Variants in ATF7 observed in about 807,000 individuals in gnomAD.
ATF7 encodes activating transcription factor 7, also known as cyclic AMP-dependent transcription factor ATF-7.
In ATF7, 10 loss-of-function variants were observed where a neutral mutation model predicts 50.4. That is an observed-to-expected ratio of 0.20 (90% confidence interval 0.12 to 0.34). The LOEUF (loss-of-function observed/expected upper bound fraction) is 0.34. Ranked by LOEUF, ATF7 falls within the 10% of genes least tolerant of loss-of-function variation. ATF7 has a pLI of 1.00. For synonymous variants in ATF7, 201 were observed against 226.4 expected, an observed-to-expected ratio of 0.89 and a Z score of 1.01; for missense variants, 465 against 613.9, an observed-to-expected ratio of 0.76 and a Z score of 2.56.
chr12:53,565,237 A>G (rs765478374), intron 2 of ATF7, among the ~76,000 whole-genome samples: 20 of 152,030 alleles, frequency 1.3e-4, no homozygotes, highest in Non-Finnish European at 2.2e-4. Context: ...TCCATCAGGG[A>G]TTGGGCAATG....
intron 2 of ATF7, among the ~76,000 whole-genome samples, chr12:53,599,550 C>G (rs908379037): frequency 6.6e-5 from 10 of 151,694 alleles, no homozygotes; most frequent in African/African-American, 2.4e-4. Context: ...AGGAAATACA[C>G]CCTAGGATGG....
At chr12:53,605,185 T>C (rs1011617447) in intron 1 of ATF7, among the ~76,000 whole-genome samples, 2 of 151,828 alleles carry the variant, frequency 1.3e-5, no homozygotes, top group African/African-American at 4.8e-5. Context: ...GGTCAGGAGT[T>C]TGAGACCAGC....
At chr12:53,615,614 C>T (rs1944088793) in intron 1 of ATF7, among the ~76,000 whole-genome samples, 1 of 152,090 alleles carries the variant, frequency 6.6e-6, no homozygotes, top group Non-Finnish European at 1.5e-5. Context: ...TGGCTCACAC[C>T]AGTAATCCCA....
Position 53,524,884 on chromosome 12 carries a change from C to G in ATF7, c.928-123G>C. The G allele has an allele frequency of 1.1e-6, 1 of 930,932 alleles. No homozygotes were observed. Among genetic ancestry groups the G allele is most frequent in the Non-Finnish European group, 1.6e-6 (1 of 645,148 alleles). 57.7% of individuals were successfully genotyped at this position (930,932 alleles called of 1,614,324 possible). A position where few individuals can be genotyped will look rare whatever the true frequency, so the allele number is the denominator to read the frequency against. ...ATATACCAGCCTCTGGTAACCACAGCAAGTCTCATTACTATGTCCCCAAGC... is the reference window on the plus strand; with the variant it reads ...ATATACCAGCCTCTGGTAACCACAGGAAGTCTCATTACTATGTCCCCAAGC... On this transcript the variant is annotated intron_variant, in intron 9 of 11. Coordinates refer to ENST00000420353, the MANE Select transcript of ATF7 (RefSeq NM_006856.3). This position sits in a 1 kb window ranked among gnomAD's most constrained non-coding sequence, Gnocchi z 4.6.
intron 4 of ATF7, 107 bp from the exon 5 acceptor site, chr12:53,537,659 C>T (rs912543791): frequency 1.5e-6 from 2 of 1,325,088 alleles, no homozygotes; most frequent in African/African-American, 3.0e-5. Flanking sequence ...AGAAGTTCTG[C>T]TCTTATACAA....
chr12:53,624,815 T>C (rs545156939), intron 1 of ATF7, among the ~76,000 whole-genome samples: 85 of 152,352 alleles, frequency 5.6e-4, no homozygotes, highest in South Asian at 1.2e-3. Flanking sequence ...TAAAAACACA[T>C]TATGTAAGTT....
chr12:53,614,351 T>C lies in ATF7; in HGVS notation c.-22+11928A>G, dbSNP rs932422484. Reference sequence around the variant, plus strand: ...AAGTTGAAAAACTCCTGGAAACCAATAGGATGCTGAACAAAAACTAAACAA... The same window carrying C: ...AAGTTGAAAAACTCCTGGAAACCAACAGGATGCTGAACAAAAACTAAACAA... On this transcript the variant is annotated intron_variant, in intron 1 of 11. Transcript: ENST00000420353. Among the ~76,000 whole-genome samples the C allele has an allele frequency of 5.3e-5, 8 of 152,182 alleles. No individual in the cohort carries two copies. The South Asian group carries it at 1.0e-3, about 20-fold the overall frequency.
At chr12:53,613,517 ATTATT>A (rs1463039219) in intron 1 of ATF7, among the ~76,000 whole-genome samples, 9 of 151,912 alleles carry the variant, frequency 5.9e-5, no homozygotes, top group African/African-American at 7.3e-5. Context: ...GTCCTCAATT[ATTATT>A]TTATTTTATT....
chr12:53,616,741 G>A (rs1042262658), intron 1 of ATF7, among the ~76,000 whole-genome samples: 2 of 151,116 alleles, frequency 1.3e-5, no homozygotes, highest in Admixed American at 6.6e-5. Flanking sequence ...TCAGGAGTTC[G>A]AGACCAGCCT....
intron 2 of ATF7, among the ~76,000 whole-genome samples, chr12:53,578,367 CA>C (rs56914905): frequency 0.018 from 1,898 of 107,684 alleles, 17 homozygotes; most frequent in Admixed American, 0.036. Flanking sequence ...GATCTTCTCT[CA>C]AAAAAAAAAA....
chr12:53,509,363 T>TG (rs1323797052), downstream of ATF7, among the ~76,000 whole-genome samples: 1 of 152,200 alleles, frequency 6.6e-6, no homozygotes, highest in African/African-American at 2.4e-5. Flanking sequence ...TTTATCCTTG[T>TG]GCCGAGGGGG....
At chr12:53,510,734 G>GA (rs1258713908), downstream of ATF7, among the ~76,000 whole-genome samples, 1 of 152,234 alleles carries the variant, frequency 6.6e-6, no homozygotes, top group Non-Finnish European at 1.5e-5. Context: ...GCTGCATTCA[G>GA]AAAGAGGCTG....
intron 2 of ATF7, among the ~76,000 whole-genome samples, chr12:53,588,057 C>T (rs573029260): frequency 6.6e-6 from 1 of 151,874 alleles, no homozygotes; most frequent in Admixed American, 6.6e-5. Context: ...ACCATGTTGG[C>T]CAGGATGGTC....
chr12:53,552,120 G>A (rs1057388630), intron 3 of ATF7, among the ~76,000 whole-genome samples: 1 of 152,184 alleles, frequency 6.6e-6, no homozygotes, highest in Non-Finnish European at 1.5e-5. Flanking sequence ...TCTGCCTGCT[G>A]GAGGAAAGCT....
intron 9 of ATF7, among the ~76,000 whole-genome samples, chr12:53,529,928 G>C (rs541876283): frequency 6.6e-6 from 1 of 150,796 alleles, no homozygotes; most frequent in East Asian, 2.0e-4. Flanking sequence ...TTTTTTAGTA[G>C]AGATGGGGTT....
intron 11 of ATF7, among the ~76,000 whole-genome samples, chr12:53,518,989 G>C (rs1223197525): frequency 6.6e-6 from 1 of 151,204 alleles, no homozygotes; most frequent in Admixed American, 6.6e-5. Flanking sequence ...GGGAGGCAGA[G>C]CTTGCAGTGA....
At chr12:53,546,839 C>T (rs1409009715) in intron 3 of ATF7, among the ~76,000 whole-genome samples, 1 of 151,878 alleles carries the variant, frequency 6.6e-6, no homozygotes, top group Non-Finnish European at 1.5e-5. Flanking sequence ...CTCACTGCAG[C>T]CTCTGCCTCC....
downstream of ATF7, among the ~76,000 whole-genome samples, chr12:53,509,438 C>T (rs1660334876): frequency 6.6e-6 from 1 of 151,458 alleles, no homozygotes; most frequent in Non-Finnish European, 1.5e-5. Context: ...AACAGAACAT[C>T]TCATCTCTTT....
chr12:53,591,612 C>T (rs1311493298), intron 2 of ATF7, among the ~76,000 whole-genome samples: 2 of 152,200 alleles, frequency 1.3e-5, no homozygotes, highest in Non-Finnish European at 2.9e-5. Context: ...AATCAGCAAC[C>T]TGTGCTGGTG....
Sources: gnomAD v4.1 joint callset for allele counts (sites outside exome capture counted in the v4.1 genomes callset) on GRCh38, gnomAD v4.1.1 for gene constraint, Gnocchi (gnomAD v3.1) non-coding constraint, MANE v1.5 for transcripts, NCBI Gene and HGNC (gene_info 2026-07-23, HGNC 2026-07-21) for gene names.